MCTP1: variants seen among roughly 807,000 people sequenced by gnomAD.
MCTP1 encodes multiple C2 and transmembrane domain containing 1.
A neutral mutation model predicts 120.6 loss-of-function variants in MCTP1; 69 were observed. That is an observed-to-expected ratio of 0.57 (90% CI 0.47 to 0.70). The LOEUF is 0.70. MCTP1 is among the 30% of genes least tolerant of loss of function. The pLI is 0.00. For synonymous variants in MCTP1, 529 were observed against 493.1 expected, an observed-to-expected ratio of 1.07 and a Z score of -0.96; for missense variants, 1,203 against 1,248.8, an observed-to-expected ratio of 0.96 and a Z score of 0.55.
chr5:95,234,570 A>T lies in MCTP1; in HGVS notation c.720+49286T>A, dbSNP rs567049290. Among the ~76,000 whole-genome samples, 37 of 152,332 alleles carry T rather than the reference A, an allele frequency of 2.4e-4. 1 individual carries two copies. The South Asian group carries it at 7.5e-3, about 31-fold the overall frequency. On this transcript the variant is annotated intron_variant, in intron 1 of 22. Coordinates refer to ENST00000515393, the MANE Select transcript of MCTP1 (RefSeq NM_024717.7). ...GAGAACCAACGCAGTTATTGCTGTG[A>T]GTAATAATAGTCTATTCCTACTCCT...
At chr5:94,948,359 C>T (rs960085485) in intron 3 of MCTP1, among the ~76,000 whole-genome samples, 15 of 152,112 alleles carry the variant, frequency 9.9e-5, no homozygotes, top group African/African-American at 2.7e-4. Context: ...GATGTGATTG[C>T]GGATTTCATT....
At chr5:95,121,992 T>C (rs1361185708) in intron 1 of MCTP1, among the ~76,000 whole-genome samples, 1 of 136,336 alleles carries the variant, frequency 7.3e-6, no homozygotes, top group Non-Finnish European at 1.6e-5. Context: ...TATATAAAAA[T>C]CAAATCAAAA....
Position 95,134,101 on chromosome 5 carries a change from T to C in MCTP1, c.721-116617A>G, listed in dbSNP as rs382108. Among the ~76,000 whole-genome samples, 2,899 of 152,320 alleles carry C rather than the reference T, an allele frequency of 0.019. 339 individuals are homozygous for C. The East Asian group carries it at 0.27, about 14-fold the overall frequency. ...TTAATTACCTTGGATCTTCATGTTT[T>C]AATACCATAGGATGCTTCAAATCTA... On this transcript the variant is annotated intron_variant, in intron 1 of 22. Coordinates refer to ENST00000515393, the MANE Select transcript of MCTP1 (RefSeq NM_024717.7).
At chr5:94,745,343 T>C (rs761337060) in intron 19 of MCTP1, among the ~76,000 whole-genome samples, 11 of 152,332 alleles carry the variant, frequency 7.2e-5, no homozygotes, top group Non-Finnish European at 1.5e-4. Flanking sequence ...ATAAAGGAGC[T>C]GCACTGGCTT....
chr5:94,883,876 A>T (rs983625762), intron 12 of MCTP1, among the ~76,000 whole-genome samples: 1 of 152,152 alleles, frequency 6.6e-6, no homozygotes, highest in Non-Finnish European at 1.5e-5. Flanking sequence ...CCAAAAGTTA[A>T]TTTTTTTAAA....
At chr5:95,129,515 T>C (rs903374352) in intron 1 of MCTP1, among the ~76,000 whole-genome samples, 1 of 152,216 alleles carries the variant, frequency 6.6e-6, no homozygotes, top group Admixed American at 6.5e-5. Flanking sequence ...AAACAGATGG[T>C]AAAACATTAC....
intron 3 of MCTP1, among the ~76,000 whole-genome samples, chr5:94,946,086 G>C (rs1238731498): frequency 2.0e-5 from 3 of 152,338 alleles, no homozygotes; most frequent in Admixed American, 6.5e-5. Flanking sequence ...ACTGAAGAAA[G>C]AATGTTAAGA....
At chr5:94,867,980 G>T in intron 17 of MCTP1, 1 of 164,868 alleles carries the variant, frequency 6.1e-6, no homozygotes, top group Non-Finnish European at 1.3e-5. Flanking sequence ...ATTGAGAATG[G>T]TCGAGATTAT....
At chr5:95,035,740 T>A (rs1841182166) in intron 1 of MCTP1, among the ~76,000 whole-genome samples, 1 of 152,078 alleles carries the variant, frequency 6.6e-6, no homozygotes, top group African/African-American at 2.4e-5. Context: ...ATATATATAC[T>A]TGTGAAAATT....
intron 19 of MCTP1, among the ~76,000 whole-genome samples, chr5:94,750,422 A>G (rs1410406629): frequency 6.6e-6 from 1 of 152,220 alleles, no homozygotes; most frequent in Non-Finnish European, 1.5e-5. Flanking sequence ...TATAATCATT[A>G]AGGTCATATA....
At chr5:95,264,865 G>A (rs996807748) in intron 1 of MCTP1, among the ~76,000 whole-genome samples, 1 of 152,170 alleles carries the variant, frequency 6.6e-6, no homozygotes, top group Non-Finnish European at 1.5e-5. Flanking sequence ...AGCAATTCTG[G>A]GAGAAGGAAA....
intron 1 of MCTP1, among the ~76,000 whole-genome samples, chr5:95,118,637 C>T (rs1288268390): frequency 6.6e-6 from 1 of 152,088 alleles, no homozygotes; most frequent in Admixed American, 6.6e-5. Context: ...CCGTTGCCTA[C>T]AAGAAACACA....
At chr5:94,939,447 G>A (rs779471955) in intron 5 of MCTP1, among the ~76,000 whole-genome samples, 34 of 152,116 alleles carry the variant, frequency 2.2e-4, no homozygotes, top group Non-Finnish European at 4.0e-4. Context: ...ACTAGCAAGC[G>A]TACTGATGTG....
intron 2 of MCTP1, among the ~76,000 whole-genome samples, chr5:94,991,489 C>T (rs890201323): frequency 2.6e-5 from 4 of 152,084 alleles, no homozygotes; most frequent in African/African-American, 9.7e-5. Context: ...TCTTGAAAAC[C>T]GATAATGATT....
intron 19 of MCTP1, among the ~76,000 whole-genome samples, chr5:94,759,903 GAAAAA>G (rs10719332): frequency 1.0e-4 from 8 of 78,892 alleles, no homozygotes; most frequent in Admixed American, 1.9e-4. Context: ...TTTTCAAAGA[GAAAAA>G]AAAAAAAAAA....
intron 2 of MCTP1, among the ~76,000 whole-genome samples, chr5:95,010,684 A>T (rs766311103): frequency 6.6e-6 from 1 of 152,150 alleles, no homozygotes; most frequent in Non-Finnish European, 1.5e-5. Context: ...GATGTTCTTC[A>T]TTCCCACAAA....
intron 19 of MCTP1, among the ~76,000 whole-genome samples, chr5:94,745,280 T>C (rs569647220): frequency 6.6e-6 from 1 of 152,338 alleles, no homozygotes; most frequent in South Asian, 2.1e-4. Context: ...GGAGATTCCA[T>C]AGCTGCTCCA....
At chr5:95,190,878 A>G (rs1250088536) in intron 1 of MCTP1, among the ~76,000 whole-genome samples, 2 of 152,072 alleles carry the variant, frequency 1.3e-5, no homozygotes, top group Non-Finnish European at 2.9e-5. Context: ...AAACTATTCT[A>G]TAGAACTAAA....
At chr5:95,171,126 C>T (rs1190754548) in intron 1 of MCTP1, among the ~76,000 whole-genome samples, 2 of 152,060 alleles carry the variant, frequency 1.3e-5, no homozygotes, top group African/African-American at 4.8e-5. Context: ...AATCACTCAG[C>T]ATTTGCTTCT....
Sources: allele counts gnomAD v4.1 joint callset (sites outside exome capture counted in the v4.1 genomes callset), GRCh38; gene constraint gnomAD v4.1.1; transcripts MANE v1.5; gene names NCBI Gene and HGNC (gene_info 2026-07-23, HGNC 2026-07-21).